CDH18: variants seen among roughly 807,000 people sequenced by gnomAD.
The protein encoded by CDH18 is cadherin 18.
Under a neutral mutation model 67.9 loss-of-function variants are expected in CDH18, and 31 were observed. The observed-to-expected ratio is 0.46, with a 90% confidence interval of 0.34 to 0.62. The LOEUF (loss-of-function observed/expected upper bound fraction) is 0.62, where lower values mean the gene tolerates loss of function less well. CDH18 is among the 20% of genes least tolerant of loss of function. The pLI is 0.01. For missense variants in CDH18, 890 were observed against 975.5 expected, an observed-to-expected ratio of 0.91 and a Z score of 1.17; for synonymous variants, 362 against 347.2, an observed-to-expected ratio of 1.04 and a Z score of -0.48.
chr5:20,299,587 C>T (rs546346917), intron 1 of CDH18, among the ~76,000 whole-genome samples: 2 of 151,726 alleles, frequency 1.3e-5, no homozygotes, highest in African/African-American at 2.4e-5. Context: ...GGTGAAACCC[C>T]GTCTCTACTA....
At chr5:20,339,430 T>C (rs181161702) in intron 1 of CDH18, among the ~76,000 whole-genome samples, 3 of 152,186 alleles carry the variant, frequency 2.0e-5, no homozygotes, top group Non-Finnish European at 2.9e-5. Context: ...CCTCTTTCAA[T>C]GCTATAGCAT....
chr5:19,679,747 T>A (rs971417573), intron 5 of CDH18, among the ~76,000 whole-genome samples: 1 of 151,628 alleles, frequency 6.6e-6, no homozygotes, highest in Non-Finnish European at 1.5e-5. Flanking sequence ...AGGCGGAAGA[T>A]CTCTACAAAG....
chr5:20,424,330 T>C (rs1748108442), intron 1 of CDH18, among the ~76,000 whole-genome samples: 2 of 150,942 alleles, frequency 1.3e-5, no homozygotes, highest in Admixed American at 1.3e-4. Context: ...GTATGTTTTT[T>C]CCAACAGCAC....
chr5:20,477,313 A>G (rs1421608763), intron 1 of CDH18, among the ~76,000 whole-genome samples: 1 of 152,184 alleles, frequency 6.6e-6, no homozygotes, highest in Non-Finnish European at 1.5e-5. Flanking sequence ...AAGAAAGGAC[A>G]TTCATGAGAA....
chr5:20,177,301 T>A lies in CDH18; in HGVS notation c.-518+78143A>T, dbSNP rs540725205. Among the ~76,000 whole-genome samples the A allele has an allele frequency of 7.2e-5, 11 of 152,238 alleles. No homozygotes were observed. The East Asian group carries it at 2.1e-3, about 29-fold the overall frequency. ...CACTGGGCATAATATAGATAGCCCA[T>A]CTGCTAAGATCTAAGCCTTATTATC... On this transcript the variant is annotated intron_variant, in intron 2 of 14. Coordinates refer to the CDH18 transcript ENST00000507958.
At chr5:20,296,393 C>CT (rs1250061825) in intron 1 of CDH18, among the ~76,000 whole-genome samples, 1 of 151,606 alleles carries the variant, frequency 6.6e-6, no homozygotes, top group African/African-American at 2.4e-5. Context: ...TCCTGAGTAG[C>CT]TGGGACTACA....
At chr5:19,661,443 CATA>C (rs1020331104) in intron 5 of CDH18, among the ~76,000 whole-genome samples, 11 of 151,848 alleles carry the variant, frequency 7.2e-5, no homozygotes, top group African/African-American at 2.4e-4. Context: ...CTTGATAGAA[CATA>C]ATATTTTTCT....
At chr5:20,412,890 T>A (rs1185097767) in intron 1 of CDH18, among the ~76,000 whole-genome samples, 1 of 152,180 alleles carries the variant, frequency 6.6e-6, no homozygotes, top group Non-Finnish European at 1.5e-5. Flanking sequence ...TGTATACATG[T>A]GCATGTTGGT....
intron 8 of CDH18, among the ~76,000 whole-genome samples, chr5:19,558,510 G>A (rs1738860563): frequency 6.6e-6 from 1 of 151,950 alleles, no homozygotes; most frequent in Non-Finnish European, 1.5e-5. Context: ...AGGCTATTAT[G>A]AACAACTTTA....
At chr5:20,087,139 A>T (rs1745030775) in intron 2 of CDH18, among the ~76,000 whole-genome samples, 1 of 152,178 alleles carries the variant, frequency 6.6e-6, no homozygotes, top group Admixed American at 6.5e-5. Flanking sequence ...CCAGTGGAGG[A>T]AGTAACTCAA....
At chr5:20,178,340 CTATG>C (rs1420574257) in intron 2 of CDH18, among the ~76,000 whole-genome samples, 1 of 151,880 alleles carries the variant, frequency 6.6e-6, no homozygotes, top group African/African-American at 2.4e-5. Context: ...TTTTATCTAT[CTATG>C]TATCTATCCA....
intron 1 of CDH18, among the ~76,000 whole-genome samples, chr5:20,505,704 C>T (rs1448814357): frequency 6.6e-6 from 1 of 152,150 alleles, no homozygotes; most frequent in African/African-American, 2.4e-5. Flanking sequence ...TCTAAGGTCA[C>T]CAACTTGTGG....
intron 2 of CDH18, among the ~76,000 whole-genome samples, chr5:19,871,120 C>T (rs995593926): frequency 3.3e-5 from 5 of 151,992 alleles, no homozygotes; most frequent in East Asian, 1.9e-4. Flanking sequence ...TTCTAAAATT[C>T]GTGAGTGGAA....
At chr5:20,172,190 G>GTA (rs70954640) in intron 2 of CDH18, among the ~76,000 whole-genome samples, 2,016 of 23,286 alleles carry the variant, frequency 0.087, 221 homozygotes, top group Middle Eastern at 0.2. Flanking sequence ...AGCATTGTGT[G>GTA]TATATATATA....
intron 4 of CDH18, among the ~76,000 whole-genome samples, chr5:19,731,686 G>C (rs183983835): frequency 6.6e-6 from 1 of 152,112 alleles, no homozygotes; most frequent in Non-Finnish European, 1.5e-5. Context: ...AATAATCGTC[G>C]AAGTATTCTA....
intron 3 of CDH18, among the ~76,000 whole-genome samples, chr5:19,795,018 G>A (rs1451894470): frequency 6.6e-6 from 1 of 152,092 alleles, no homozygotes; most frequent in African/African-American, 2.4e-5. Flanking sequence ...CCCAGGCCTA[G>A]TGTTTCCTGT....
At chr5:19,989,584 G>T (rs1478610882), upstream of CDH18, among the ~76,000 whole-genome samples, 1 of 152,144 alleles carries the variant, frequency 6.6e-6, no homozygotes, top group African/African-American at 2.4e-5. Context: ...ATAAACTTTT[G>T]TTAAAGGTTG....
At chr5:19,798,255 C>A (rs950181413) in intron 3 of CDH18, among the ~76,000 whole-genome samples, 1 of 151,930 alleles carries the variant, frequency 6.6e-6, no homozygotes, top group Non-Finnish European at 1.5e-5. Context: ...AGGATAACAT[C>A]CTGGTTCTAA....
chr5:20,276,566 G>T (rs1043126047), intron 1 of CDH18, among the ~76,000 whole-genome samples: 2 of 152,190 alleles, frequency 1.3e-5, no homozygotes, highest in African/African-American at 4.8e-5. Context: ...GTGGGCCTTG[G>T]ATGAGACTCA....
Sources: gnomAD v4.1 joint callset for allele counts (sites outside exome capture counted in the v4.1 genomes callset) on GRCh38, gnomAD v4.1.1 for gene constraint, MANE v1.5 for transcripts, NCBI Gene and HGNC (gene_info 2026-07-23, HGNC 2026-07-21) for gene names.